SCFD2: variants seen among roughly 807,000 people sequenced by gnomAD.
The protein encoded by SCFD2 is sec1 family domain-containing protein 2.
SCFD2 carries 54 observed loss-of-function variants against 58.9 expected under a neutral mutation model. The observed-to-expected ratio is 0.92, with a 90% CI of 0.74 to 1.15. The LOEUF (loss-of-function observed/expected upper bound fraction) is 1.15. Among genes scored for constraint, SCFD2 ranks in the 50% most tolerant of loss-of-function variants. SCFD2 has a pLI of 0.00. For synonymous variants in SCFD2, 321 were observed against 335.9 expected, an observed-to-expected ratio of 0.96 and a Z score of 0.49; for missense variants, 805 against 836.6, an observed-to-expected ratio of 0.96 and a Z score of 0.47.
intron 5 of SCFD2, among the ~76,000 whole-genome samples, chr4:53,007,350 G>A (rs1467931093): frequency 1.7e-5 from 2 of 119,616 alleles, no homozygotes; most frequent in Non-Finnish European, 3.3e-5. Flanking sequence ...GAGAGAGAGA[G>A]AGAAAAGAAA....
At chr4:52,959,712 C>G (rs1216616144) in intron 5 of SCFD2, among the ~76,000 whole-genome samples, 2 of 152,118 alleles carry the variant, frequency 1.3e-5, no homozygotes, top group Admixed American at 1.3e-4. Flanking sequence ...GAATTCCGCT[C>G]ATTTAAGAGG....
intron 4 of SCFD2, among the ~76,000 whole-genome samples, chr4:53,214,973 C>A (rs1243278464): frequency 6.6e-6 from 1 of 151,990 alleles, no homozygotes; most frequent in East Asian, 1.9e-4. Context: ...AGATATGCGG[C>A]GTTATTTCTG....
intron 4 of SCFD2, among the ~76,000 whole-genome samples, chr4:53,150,702 T>G (rs1476552234): frequency 6.6e-6 from 1 of 152,234 alleles, no homozygotes; most frequent in Non-Finnish European, 1.5e-5. Context: ...CAAGTCTCAA[T>G]TTCCTCATCT....
chr4:53,125,687 C>G (rs2148895491), intron 5 of SCFD2, among the ~76,000 whole-genome samples: 1 of 152,340 alleles, frequency 6.6e-6, no homozygotes, highest in East Asian at 1.9e-4. Flanking sequence ...CAAACACACT[C>G]CTGCCACTTC....
Position 53,350,084 on chromosome 4 carries a change from C to T in SCFD2, c.1007+2514G>A, listed in dbSNP as rs146358254. On this transcript the variant is annotated intron_variant, in intron 2 of 8. Coordinates refer to ENST00000401642, the MANE Select transcript of SCFD2 (RefSeq NM_152540.4). ...TATGTATTAAGTGCTCAGAATGATG[C>T]CTGTTACACAAAAGGTCCTCTGTAA... 2.6e-5 allele frequency among the ~76,000 whole-genome samples: 4 copies of T among 152,272 alleles called. No homozygotes were observed. In the East Asian group the frequency reaches 7.7e-4, roughly 29 times the overall value.
intron 5 of SCFD2, among the ~76,000 whole-genome samples, chr4:52,948,112 T>C (rs961793343): frequency 6.6e-6 from 1 of 152,112 alleles, no homozygotes; most frequent in Non-Finnish European, 1.5e-5. Flanking sequence ...CAAATCCATA[T>C]GGGATACAGC....
At chr4:53,075,473 G>T (rs948948014) in intron 5 of SCFD2, among the ~76,000 whole-genome samples, 1 of 152,196 alleles carries the variant, frequency 6.6e-6, no homozygotes, top group Non-Finnish European at 1.5e-5. Flanking sequence ...TGGTGCAAGA[G>T]GCCTAGCTTT....
chr4:53,153,446 C>T (rs1313891761), intron 4 of SCFD2, among the ~76,000 whole-genome samples: 10 of 152,192 alleles, frequency 6.6e-5, no homozygotes, highest in Non-Finnish European at 1.5e-4. Context: ...GCTGGAGTGG[C>T]CAGGATCCTG....
At chr4:53,153,597 T>C (rs1413721421) in intron 4 of SCFD2, among the ~76,000 whole-genome samples, 2 of 152,212 alleles carry the variant, frequency 1.3e-5, no homozygotes, top group African/African-American at 2.4e-5. Flanking sequence ...ATTTTCTCAT[T>C]GTTTTGGATA....
intron 4 of SCFD2, among the ~76,000 whole-genome samples, chr4:53,240,430 C>G (rs1435916495): frequency 1.3e-5 from 2 of 152,142 alleles, no homozygotes; most frequent in Admixed American, 1.3e-4. Context: ...AAATCTGCCC[C>G]TTTTGTTTAC....
intron 7 of SCFD2, among the ~76,000 whole-genome samples, chr4:52,897,482 C>T (rs569964667): frequency 1.3e-5 from 2 of 152,290 alleles, no homozygotes; most frequent in East Asian, 3.9e-4. Flanking sequence ...TATGTTGAAC[C>T]AGCCTTGCAT....
intron 2 of SCFD2, among the ~76,000 whole-genome samples, chr4:53,333,408 A>C (rs1418676200): frequency 2.2e-5 from 3 of 135,024 alleles, no homozygotes; most frequent in African/African-American, 8.6e-5. Context: ...AGAGATATAG[A>C]TCAATGGAAC....
intron 5 of SCFD2, among the ~76,000 whole-genome samples, chr4:53,028,798 T>A (rs1160423461): frequency 1.3e-5 from 2 of 152,144 alleles, no homozygotes; most frequent in African/African-American, 2.4e-5. Context: ...CCAAACTAAG[T>A]TTTTTTCTCA....
chr4:53,136,882 T>A (rs1339046619), intron 5 of SCFD2, among the ~76,000 whole-genome samples: 2 of 152,192 alleles, frequency 1.3e-5, no homozygotes, highest in African/African-American at 2.4e-5. Context: ...ATTGATAATC[T>A]GAGAATGTTT....
At chr4:52,908,906 G>C (rs1292117065) in intron 6 of SCFD2, among the ~76,000 whole-genome samples, 3 of 152,160 alleles carry the variant, frequency 2.0e-5, no homozygotes, top group Admixed American at 2.0e-4. Flanking sequence ...ACATGATCAG[G>C]AAGGGCAAGG....
chr4:53,088,157 T>C (rs1427344655), intron 5 of SCFD2, among the ~76,000 whole-genome samples: 5 of 152,170 alleles, frequency 3.3e-5, no homozygotes, highest in Non-Finnish European at 2.9e-5. Flanking sequence ...CAAGCAACCA[T>C]TTGCTAATGA....
intron 5 of SCFD2, among the ~76,000 whole-genome samples, chr4:53,066,224 T>A (rs1429474626): frequency 1.3e-5 from 2 of 152,130 alleles, no homozygotes; most frequent in African/African-American, 4.8e-5. Flanking sequence ...AAACAACTTG[T>A]GGGCAAGGCT....
At chr4:52,942,918 A>G (rs1188835424) in intron 5 of SCFD2, among the ~76,000 whole-genome samples, 1 of 152,098 alleles carries the variant, frequency 6.6e-6, no homozygotes, top group Non-Finnish European at 1.5e-5. Context: ...GATATGACCT[A>G]TATAAATCTG....
intron 5 of SCFD2, among the ~76,000 whole-genome samples, chr4:53,064,981 A>G (rs1723616731): frequency 6.6e-6 from 1 of 152,184 alleles, no homozygotes; most frequent in Non-Finnish European, 1.5e-5. Flanking sequence ...GTTTTTCACC[A>G]GAATGTGTGC....
Sources: gnomAD v4.1 joint callset for allele counts (sites outside exome capture counted in the v4.1 genomes callset) on GRCh38, gnomAD v4.1.1 for gene constraint, MANE v1.5 for transcripts, NCBI Gene and HGNC (gene_info 2026-07-23, HGNC 2026-07-21) for gene names.